Variants in FAM53B observed in about 807,000 individuals in gnomAD.
FAM53B encodes the protein family with sequence similarity 53 member B, also known as protein FAM53B.
Under a neutral mutation model 32.7 loss-of-function variants are expected in FAM53B, and 12 were observed. The observed-to-expected ratio is 0.37, with a 90% CI of 0.24 to 0.59. The LOEUF is 0.59. Ranked by LOEUF, FAM53B falls within the 20% of genes least tolerant of loss-of-function variation. The probability of loss-of-function intolerance (pLI) is 0.72; values close to 1 mark genes in which losing one functional copy is unlikely to be tolerated. For synonymous variants in FAM53B, 234 were observed against 228.7 expected (o/e 1.02, Z -0.21); for missense variants, 477 against 577.7 (o/e 0.83, Z 1.79).
Position 124,682,168 on chromosome 10 carries a change from G to A in FAM53B, c.345C>T (p.Arg115=). The part of the protein sequence containing the change: ...PSAPPSKRQC[R]SLSFSDEMSS... ...ACATCTCATCGGAGAAGGACAGTGA[G>A]CGGCACTGGCGCTTGCTAGGGGGTG... is the stretch of plus-strand genomic sequence containing the variant. The change falls in exon 4 of 5, where the codon CGC becomes CGT. Residue 115 remains arginine, a synonymous_variant. Transcript: ENST00000337318. The surrounding 1 kb of genome is among the most constrained non-coding windows in gnomAD (Gnocchi z 5.2). 6.2e-7 allele frequency: 1 copy of A among 1,613,646 alleles called. No homozygotes were observed. The highest frequency in any genetic ancestry group is 1.3e-5 in the African/African-American group (1 of 75,072).
At chr10:124,697,346 C>A (rs78134982) in intron 2 of FAM53B, among the ~76,000 whole-genome samples, 1 of 152,170 alleles carries the variant, frequency 6.6e-6, no homozygotes, top group Non-Finnish European at 1.5e-5. Flanking sequence ...ACAGACAAGA[C>A]TTCCAGGCTG....
chr10:124,648,776 C>A (rs1289216683), intron 4 of FAM53B, among the ~76,000 whole-genome samples: 4 of 152,268 alleles, frequency 2.6e-5, no homozygotes, highest in Non-Finnish European at 4.4e-5. Context: ...CCTGTCCCGC[C>A]TGTTCGGGGC....
Position 124,623,180 on chromosome 10 carries a change from A to G in FAM53B, c.*62T>C, listed in dbSNP as rs1413878933. ...TGGGCTCCCCTTCAAGGGCCCACCT[A>G]GTGCCCAGAGTGGGGGCTGTCGATG... On this transcript the variant is annotated 3_prime_UTR_variant, in exon 5 of 5. Coordinates refer to ENST00000337318, the MANE Select transcript of FAM53B (RefSeq NM_014661.4). The G allele has an allele frequency of 1.1e-5, 16 of 1,509,218 alleles. No individual in the cohort carries two copies. Among genetic ancestry groups the G allele is most frequent in the East Asian group, 2.3e-5 (1 of 43,144 alleles). The allele number at this position is 1,509,218 out of a possible 1,614,324, so 93.5% of individuals were successfully genotyped here.
At chr10:124,728,796 T>C (rs1396734449) in intron 1 of FAM53B, among the ~76,000 whole-genome samples, 1 of 152,260 alleles carries the variant, frequency 6.6e-6, no homozygotes, top group Non-Finnish European at 1.5e-5. Flanking sequence ...CCTACTTCTC[T>C]GCCCACAGGC....
intron 1 of FAM53B, among the ~76,000 whole-genome samples, chr10:124,730,483 C>A (rs575274974): frequency 5.4e-4 from 83 of 152,334 alleles, no homozygotes; most frequent in African/African-American, 1.9e-3. Context: ...TCAGAGTCAA[C>A]AAACTAATTT....
chr10:124,696,257 G>A, intron 2 of FAM53B, 45 bp from the exon 3 acceptor site: 2 of 1,542,600 alleles, frequency 1.3e-6, no homozygotes, highest in South Asian at 2.2e-5. Context: ...ATCATAGGAA[G>A]CATGTTTGCA....
chr10:124,633,648 C>T (rs1237912040), intron 4 of FAM53B, among the ~76,000 whole-genome samples: 1 of 152,080 alleles, frequency 6.6e-6, no homozygotes, highest in Non-Finnish European at 1.5e-5. Flanking sequence ...GAAATAGACC[C>T]AGTTTGGTAT....
At chr10:124,644,183 G>C (rs1003904068) in intron 4 of FAM53B, among the ~76,000 whole-genome samples, 38 of 152,270 alleles carry the variant, frequency 2.5e-4, no homozygotes, top group Admixed American at 1.9e-3. Flanking sequence ...TTTGTCTACC[G>C]CCTGGTCACT....
At chr10:124,689,095 A>C (rs892475092) in intron 3 of FAM53B, among the ~76,000 whole-genome samples, 4 of 152,208 alleles carry the variant, frequency 2.6e-5, no homozygotes, top group Admixed American at 2.6e-4. Flanking sequence ...GCTGACAATG[A>C]GTATCTCTCC....
intron 3 of FAM53B, among the ~76,000 whole-genome samples, chr10:124,694,927 C>T (rs1949859501): frequency 6.6e-6 from 1 of 152,170 alleles, no homozygotes; most frequent in South Asian, 2.1e-4. Context: ...CACCTGAGTC[C>T]AACTCCGCTT....
intron 1 of FAM53B, among the ~76,000 whole-genome samples, chr10:124,710,269 A>T (rs972892418): frequency 6.6e-6 from 1 of 152,204 alleles, no homozygotes; most frequent in Non-Finnish European, 1.5e-5. Context: ...GGCTGCTTTG[A>T]TCTGTTGGGA....
chr10:124,716,959 C>T (rs1564886711), intron 1 of FAM53B, among the ~76,000 whole-genome samples: 1 of 152,122 alleles, frequency 6.6e-6, no homozygotes, highest in Non-Finnish European at 1.5e-5. Context: ...ACAACCATGA[C>T]CTGTTCTTCA....
intron 3 of FAM53B, among the ~76,000 whole-genome samples, chr10:124,690,563 C>A (rs1331583456): frequency 6.6e-6 from 1 of 152,188 alleles, no homozygotes; most frequent in African/African-American, 2.4e-5. Flanking sequence ...AAGAAGGCAG[C>A]CCTGGGAAGC....
intron 1 of FAM53B, among the ~76,000 whole-genome samples, chr10:124,743,189 C>T (rs1366235343): frequency 6.6e-6 from 1 of 152,192 alleles, no homozygotes; most frequent in Non-Finnish European, 1.5e-5. Flanking sequence ...CTTGGGACAA[C>T]ACAAACCGCA....
At chr10:124,722,810 G>A (rs745884852) in intron 1 of FAM53B, among the ~76,000 whole-genome samples, 9 of 152,194 alleles carry the variant, frequency 5.9e-5, no homozygotes, top group Admixed American at 1.3e-4. Context: ...GGAGGGAGAC[G>A]TGTAGCTGGG....
rs543448396 is a variant in FAM53B, at chr10:124,675,569, C to T, written c.906+6038G>A. Among the ~76,000 whole-genome samples, 168 of 152,356 alleles carry T rather than the reference C, an allele frequency of 1.1e-3. 2 individuals carry two copies. Among genetic ancestry groups the T allele is most frequent in the African/African-American group, 3.9e-3 (161 of 41,584 alleles). On this transcript the variant is annotated intron_variant, in intron 4 of 4. Transcript: ENST00000337318. ...CTCCCACACTCATGAGCAACAGGCA[C>T]TGCCATTCCCATTTTACAGACACAG...
intron 2 of FAM53B, among the ~76,000 whole-genome samples, chr10:124,699,493 C>T (rs1263834063): frequency 6.6e-6 from 1 of 152,246 alleles, no homozygotes; most frequent in Non-Finnish European, 1.5e-5. Flanking sequence ...CTAAGGGTTC[C>T]CATGAACCAG....
rs1242817062 is a variant in FAM53B at position 124,623,189 on chromosome 10, AGT to A, written c.*51_*52del. 6.6e-7 allele frequency: 1 copy of A among 1,523,460 alleles called. No individual in the cohort carries two copies. The highest frequency in any genetic ancestry group is 8.8e-7 in the Non-Finnish European group (1 of 1,134,572). The allele number at this position is 1,523,460 out of a possible 1,614,324, so 94.4% of individuals were successfully genotyped here. On this transcript the variant is annotated 3_prime_UTR_variant, in exon 5 of 5. Transcript: ENST00000337318. The stretch of plus-strand genomic sequence containing the variant: ...CTTCAAGGGCCCACCTAGTGCCCAG[AGT>A]GGGGGCTGTCGATGCCAGCACACCC...
At chr10:124,637,715 T>C (rs1458828723) in intron 4 of FAM53B, among the ~76,000 whole-genome samples, 2 of 152,134 alleles carry the variant, frequency 1.3e-5, no homozygotes, top group Admixed American at 6.5e-5. Context: ...ATCTCACTCA[T>C]ACCCTCCCTG....
Sources: gnomAD v4.1 joint callset for allele counts (sites outside exome capture counted in the v4.1 genomes callset) on GRCh38, gnomAD v4.1.1 for gene constraint, Gnocchi (gnomAD v3.1) non-coding constraint, MANE v1.5 for transcripts, NCBI Gene and HGNC (gene_info 2026-07-23, HGNC 2026-07-21) for gene names.